Variants in MPV17L observed in about 807,000 individuals in gnomAD.
The protein encoded by MPV17L is MPV17 mitochondrial inner membrane protein like.
Under a neutral mutation model 25.8 loss-of-function variants are expected in MPV17L, and 24 were observed. The observed-to-expected ratio is 0.93, with a 90% CI of 0.67 to 1.31. The LOEUF (loss-of-function observed/expected upper bound fraction) is 1.31. Among genes scored for constraint, MPV17L ranks in the 50% most tolerant of loss-of-function variants. MPV17L has a pLI of 0.00. For synonymous variants in MPV17L, 102 were observed against 115.3 expected, an observed-to-expected ratio of 0.88 and a Z score of 0.74; for missense variants, 250 against 265.6, an observed-to-expected ratio of 0.94 and a Z score of 0.41.
At chr16:15,398,814 G>A (rs929897471) in intron 1 of MPV17L, among the ~76,000 whole-genome samples, 17 of 151,808 alleles carry the variant, frequency 1.1e-4, no homozygotes, top group Non-Finnish European at 4.4e-5. Context: ...GGCTGGTCTC[G>A]AACTCCTGAC....
chr16:15,396,379 G>A lies in MPV17L; in HGVS notation c.310+172G>A, dbSNP rs547187319. Among the ~76,000 whole-genome samples the A allele has an allele frequency of 8.5e-5, 13 of 152,282 alleles. 1 individual carries two copies. In the South Asian group the frequency reaches 2.5e-3, roughly 29 times the overall value. On this transcript the variant is annotated intron_variant, in intron 1 of 3. Transcript: ENST00000396385. ...CAGAGGCCTGAAGGGCCAGGGCAAA[G>A]GCTAGAGGCTGGGGTGTTTGATTGC... is the stretch of plus-strand genomic sequence containing the variant.
chr16:15,396,064 T>C lies in MPV17L; in HGVS notation c.167T>C (p.Val56Ala). 1 of 1,543,554 alleles carries C rather than the reference T, an allele frequency of 6.5e-7. No homozygotes were observed. Among genetic ancestry groups the C allele is most frequent in the Non-Finnish European group, 8.7e-7 (1 of 1,148,262 alleles). ...RQTRRVATLV[V>A]TFHANFNYVW... is the part of the protein sequence containing the mutation. ...ACGCGGCGCGTGGCCACGTTGGTGGTGACCTTCCACGCCAACTTCAACTAC... is the reference window on the plus strand; with the variant it reads ...ACGCGGCGCGTGGCCACGTTGGTGGCGACCTTCCACGCCAACTTCAACTAC... The change falls in exon 1 of 4, where the codon GTG becomes GCG. Residue 56 changes from valine (V) to alanine (A), a missense_variant. Physicochemically the swap from Val to Ala is moderately conservative, Grantham distance 64 (BLOSUM62 0). Transcript: ENST00000396385.
intron 1 of MPV17L, chr16:15,399,423 T>G (rs2050614711): frequency 2.2e-6 from 1 of 454,088 alleles, no homozygotes; most frequent in Non-Finnish European, 4.4e-6. Flanking sequence ...TTTCTTTTTC[T>G]GAGACAGGGT....
In MPV17L at chr16:15,396,089, C is replaced by T. The variant is rs1219791089; in HGVS notation, c.192C>T (p.Tyr64=). The T allele has an allele frequency of 9.7e-6, 15 of 1,545,158 alleles. No homozygotes were observed. Among genetic ancestry groups the T allele is most frequent in the Non-Finnish European group, 1.2e-5 (14 of 1,147,534 alleles). The change falls in exon 1 of 4, where the codon TAC becomes TAT. Residue 64 remains tyrosine (Y), a synonymous_variant. Coordinates refer to ENST00000396385, the MANE Select transcript of MPV17L (RefSeq NM_001128423.2). ...LVVTFHANFN[Y]VWLRLLERAL... ...TGACCTTCCACGCCAACTTCAACTACGTGTGGCTGCGCCTGCTGGAGCGCG... is the reference window on the plus strand; with the variant it reads ...TGACCTTCCACGCCAACTTCAACTATGTGTGGCTGCGCCTGCTGGAGCGCG...
At chr16:15,400,894 T>TTGTGTATATATGTATATATA in intron 2 of MPV17L, 37 bp downstream of exon 2, 1 of 1,401,148 alleles carries the variant, frequency 7.1e-7, no homozygotes, top group East Asian at 2.4e-5. Flanking sequence ...CACTATATTT[T>TTGTGTATATATGTATATATA]TGTGTATATA....
intron 1 of MPV17L, chr16:15,399,438 C>T: frequency 2.2e-6 from 1 of 453,236 alleles, no homozygotes; most frequent in South Asian, 1.6e-5. Context: ...CAGGGTCTCA[C>T]TCTATTCCCC....
intron 2 of MPV17L, among the ~76,000 whole-genome samples, chr16:15,404,842 A>C (rs2050667636): frequency 6.6e-6 from 1 of 152,036 alleles, no homozygotes; most frequent in Admixed American, 6.6e-5. Flanking sequence ...AACAAACAAA[A>C]AAGAAATGAG....
chr16:15,398,346 T>C (rs2050605145), intron 1 of MPV17L, among the ~76,000 whole-genome samples: 1 of 151,948 alleles, frequency 6.6e-6, no homozygotes. Context: ...CTTGAGATTG[T>C]TCTTAATACT....
chr16:15,395,996 G>T lies in MPV17L; in HGVS notation c.99G>T (p.Ala33=). The T allele has an allele frequency of 6.6e-7, 1 of 1,515,494 alleles. No homozygotes were observed. The allele number at this position is 1,515,494 out of a possible 1,614,324, so 93.9% of individuals were successfully genotyped here. A position where few individuals can be genotyped will look rare whatever the true frequency, so the allele number is the denominator to read the frequency against. ...GCTCGCTCGTCTCGGCCGGGGACGC[G>T]CTGCAACAGCGGCTGCAGGGCCGCG... ...LYGSLVSAGD[A]LQQRLQGREA... The change falls in exon 1 of 4, where the codon GCG becomes GCT. Residue 33 remains alanine (A), a synonymous_variant. Coordinates refer to ENST00000396385, the MANE Select transcript of MPV17L (RefSeq NM_001128423.2).
At chr16:15,400,012 C>T (rs969441476) in intron 1 of MPV17L, among the ~76,000 whole-genome samples, 11 of 152,168 alleles carry the variant, frequency 7.2e-5, no homozygotes, top group Non-Finnish European at 1.6e-4. Flanking sequence ...CCATGTTGGT[C>T]AGGCTGGTCT....
rs1409305796 is a variant in MPV17L at position 15,413,159 on chromosome 16, T to C, written c.*5047T>C. The C allele has an allele frequency of 6.6e-6, 1 of 152,200 alleles. No homozygotes were observed. Among genetic ancestry groups the C allele is most frequent in the African/African-American group, 2.4e-5 (1 of 41,460 alleles). The allele number at this position is 152,200 out of a possible 1,614,324, so 9.4% of individuals were successfully genotyped here. The stretch of plus-strand genomic sequence containing the variant: ...TCTTCTGAGAGTATTAAAAAGTTAA[T>C]GGGTTTTTGTGCCTGAAGATTTTGA... On this transcript the variant is annotated 3_prime_UTR_variant, in exon 4 of 4. Transcript: ENST00000396385.
Position 15,396,060 on chromosome 16 carries a change from G to A in MPV17L, c.163G>A (p.Val55Met). Residue 55 changes from valine (V) to methionine (M), a missense_variant, in exon 1 of 4, where the codon GTG (valine) becomes ATG (methionine). Physicochemically the swap from Val to Met is conservative, Grantham distance 21 (BLOSUM62 1). Coordinates refer to ENST00000396385, the MANE Select transcript of MPV17L (RefSeq NM_001128423.2). ...CCAGACGCGGCGCGTGGCCACGTTG[G>A]TGGTGACCTTCCACGCCAACTTCAA... ...WRQTRRVATL[V>M]VTFHANFNYV... 6.5e-7 allele frequency: 1 copy of A among 1,543,650 alleles called. No homozygotes were observed. Among genetic ancestry groups the A allele is most frequent in the Non-Finnish European group, 8.7e-7 (1 of 1,148,432 alleles).
Position 15,408,188 on chromosome 16 carries a change from A to T in MPV17L, c.*76A>T, listed in dbSNP as rs2050699719. ...GAATTGCCTGCAGACAAAATATTTG[A>T]TGTGCCAATTATGCACTTCATTTTG... On this transcript the variant is annotated 3_prime_UTR_variant, in exon 4 of 4. Transcript: ENST00000396385. 1.7e-6 allele frequency: 2 copies of T among 1,165,676 alleles called. No homozygotes were observed. The highest frequency in any genetic ancestry group is 2.6e-5 in the East Asian group (1 of 38,718). The allele number at this position is 1,165,676 out of a possible 1,614,324, so 72.2% of individuals were successfully genotyped here.
In MPV17L at chr16:15,411,137, CAGG is replaced by C. The variant is rs2050730007; in HGVS notation, c.*3028_*3030del. 6.6e-6 allele frequency: 1 copy of C among 152,180 alleles called. No homozygotes were observed. The highest frequency in any genetic ancestry group is 2.1e-4 in the South Asian group (1 of 4,826). The allele number at this position is 152,180 out of a possible 1,614,324, so 9.4% of individuals were successfully genotyped here. A position where few individuals can be genotyped will look rare whatever the true frequency, so the allele number is the denominator to read the frequency against. On this transcript the variant is annotated 3_prime_UTR_variant, in exon 4 of 4. Coordinates refer to ENST00000396385, the MANE Select transcript of MPV17L (RefSeq NM_001128423.2). ...GTCCCAGCTGCTCTGGAGGCTGAGGCAGGAGAATTGCATGAACCCGGGAGGCGG... is the reference window on the plus strand; with the variant it reads ...GTCCCAGCTGCTCTGGAGGCTGAGGCAGAATTGCATGAACCCGGGAGGCGG...
rs1263403498 is a variant in MPV17L, at chr16:15,396,014, G to C, written c.117G>C (p.Gln39His). 1 of 1,526,544 alleles carries C rather than the reference G, an allele frequency of 6.6e-7. No individual in the cohort carries two copies. The highest frequency in any genetic ancestry group is 2.5e-5 in the East Asian group (1 of 39,962). The allele number at this position is 1,526,544 out of a possible 1,614,324, so 94.6% of individuals were successfully genotyped here. A position where few individuals can be genotyped will look rare whatever the true frequency, so the allele number is the denominator to read the frequency against. Reference protein sequence around the residue: ...SAGDALQQRLQGREANWRQTR... With the variant: ...SAGDALQQRLHGREANWRQTR... ...GGGACGCGCTGCAACAGCGGCTGCA[G>C]GGCCGCGAGGCCAACTGGCGCCAGA... Residue 39 changes from glutamine to histidine, a missense_variant, in exon 1 of 4, where the codon CAG becomes CAC. Physicochemically the swap from Gln to His is conservative, Grantham distance 24. Transcript: ENST00000396385.
At chr16:15,397,588 C>T (rs62037850) in intron 1 of MPV17L, among the ~76,000 whole-genome samples, 16,116 of 152,084 alleles carry the variant, frequency 0.11, 901 homozygotes, top group South Asian at 0.14. Flanking sequence ...AAAATCTCTA[C>T]GGGTCTCAAG....
intron 2 of MPV17L, among the ~76,000 whole-genome samples, chr16:15,402,674 G>GT (rs1167895603): frequency 6.6e-6 from 1 of 152,048 alleles, no homozygotes; most frequent in African/African-American, 2.4e-5. Context: ...GTGTGTTTTG[G>GT]TTTTTTTGTT....
At position 15,400,786 on chromosome 16, in the gene MPV17L, G is replaced by A; in HGVS notation, c.311-1G>A. 2 of 1,599,010 alleles carry A rather than the reference G, an allele frequency of 1.3e-6. No homozygotes were observed. The highest frequency in any genetic ancestry group is 1.7e-6 in the Non-Finnish European group (2 of 1,173,408). On this transcript the variant is annotated splice_acceptor_variant, in intron 1 of 3. Transcript: ENST00000396385. LOFTEE classifies it high-confidence loss of function. ...AAATTTTTTTTGGGTTTTGCAAATA[G>A]GTATGAGCATTCTCCAAGGAAAGGA... is the stretch of plus-strand genomic sequence containing the variant.
intron 1 of MPV17L, chr16:15,399,658 T>G (rs1043941611): frequency 5.7e-5 from 13 of 226,556 alleles, no homozygotes; most frequent in Middle Eastern, 1.6e-3. Context: ...ATCAAAGTGT[T>G]TTTAGGAAGG....
Sources: gnomAD v4.1 joint callset for allele counts (sites outside exome capture counted in the v4.1 genomes callset) on GRCh38, gnomAD v4.1.1 for gene constraint, MANE v1.5 for transcripts, NCBI Gene and HGNC (gene_info 2026-07-23, HGNC 2026-07-21) for gene names.